The following UBXN4 variants were observed in gnomAD, a reference collection of about 807,000 sequenced individuals.
The protein encoded by UBXN4 is UBX domain-containing protein 4.
Under a neutral mutation model 66.2 loss-of-function variants are expected in UBXN4, and 35 were observed. That is an observed-to-expected ratio of 0.53 (90% CI 0.40 to 0.70). The LOEUF (loss-of-function observed/expected upper bound fraction) is 0.70. UBXN4 is among the 30% of genes least tolerant of loss of function. The probability of loss-of-function intolerance (pLI) is 0.00; values close to 1 mark genes in which losing one functional copy is unlikely to be tolerated. For missense variants in UBXN4, 533 were observed against 599.8 expected, an observed-to-expected ratio of 0.89 and a Z score of 1.16; for synonymous variants, 203 against 204.5, an observed-to-expected ratio of 0.99 and a Z score of 0.06.
intron 8 of UBXN4, among the ~76,000 whole-genome samples, chr2:135,771,655 C>T (rs142270262): frequency 1.1e-4 from 17 of 152,224 alleles, no homozygotes; most frequent in Admixed American, 3.3e-4. Flanking sequence ...TTCCACCTCC[C>T]GAGTTCAAGC....
At position 135,780,242 on chromosome 2, in the gene UBXN4, G is replaced by A. The variant is rs761614014; in HGVS notation, c.1245G>A (p.Leu415=). 8.1e-6 allele frequency: 13 copies of A among 1,613,950 alleles called. No individual in the cohort carries two copies. The East Asian group carries it at 2.7e-4, about 33-fold the overall frequency. Residue 415 remains leucine (L), a synonymous_variant, in exon 12 of 13, where the codon TTG becomes TTA. Coordinates refer to ENST00000272638, the MANE Select transcript of UBXN4 (RefSeq NM_014607.4). ...HSSSGDIWTL[L]GTVLYPFLAI... ...CCAGCGGAGACATTTGGACCTTGTT[G>A]GGAACAGTGCTTTATCCATTCCTTG...
At chr2:135,759,766 A>ATTTTTTTTTTTTTTT (rs10660396) in intron 5 of UBXN4, among the ~76,000 whole-genome samples, 1 of 93,444 alleles carries the variant, frequency 1.1e-5, no homozygotes, top group Non-Finnish European at 2.0e-5. Flanking sequence ...TCAATCCAGA[A>ATTTTTTTTTTTTTTT]TTTTTTTTTT....
intron 5 of UBXN4, among the ~76,000 whole-genome samples, chr2:135,758,191 C>T (rs1482895787): frequency 6.6e-6 from 1 of 152,046 alleles, no homozygotes; most frequent in Non-Finnish European, 1.5e-5. Flanking sequence ...TCTCCTGCCT[C>T]AGCCTGCTGA....
chr2:135,783,786 T>C lies in UBXN4; in HGVS notation c.*899T>C, dbSNP rs374405571. The C allele has an allele frequency of 6.6e-6, 1 of 152,220 alleles. No individual in the cohort carries two copies. Among genetic ancestry groups the C allele is most frequent in the Non-Finnish European group, 1.5e-5 (1 of 68,036 alleles). The allele number at this position is 152,220 out of a possible 1,614,324, so 9.4% of individuals were successfully genotyped here. ...TAGAGTACCTATAGGACAAAAAGTA[T>C]AGAATAAAAATATGCCTTTAGTCAT... On this transcript the variant is annotated 3_prime_UTR_variant, in exon 13 of 13. Transcript: ENST00000272638.
In UBXN4 at chr2:135,754,565, T is replaced by G. The variant is rs536241936; in HGVS notation, c.333+288T>G. On this transcript the variant is annotated intron_variant, in intron 4 of 12. Coordinates refer to ENST00000272638, the MANE Select transcript of UBXN4 (RefSeq NM_014607.4). ...CTCAAACTCCTGACCTCAGGTGATC[T>G]GCCCGCCTCGGCCTCCCAAAGTGCT... Among the ~76,000 whole-genome samples the G allele has an allele frequency of 1.1e-3, 170 of 152,026 alleles. 1 individual carries two copies. Among genetic ancestry groups the G allele is most frequent in the African/African-American group, 2.2e-3 (93 of 41,498 alleles).
In UBXN4 at chr2:135,754,227, G is replaced by T; in HGVS notation, c.283G>T (p.Gly95Ter). Residue 95 changes from glycine (G) to a stop codon, truncating the protein, a stop_gained, in exon 4 of 13, where the codon GGA becomes TGA. Coordinates refer to ENST00000272638, the MANE Select transcript of UBXN4 (RefSeq NM_014607.4). LOFTEE classifies it high-confidence loss of function. Reference sequence around the variant, plus strand: ...TGGAATTCCCTTGGAAGTAATAGCAGGAAGTGTTTCTGCAGATGAACTTGT... The same window carrying T: ...TGGAATTCCCTTGGAAGTAATAGCATGAAGTGTTTCTGCAGATGAACTTGT... ...DSGIPLEVIA[G>*]SVSADELVTR... 1 of 1,614,162 alleles carries T rather than the reference G, an allele frequency of 6.2e-7. No homozygotes were observed. The highest frequency in any genetic ancestry group is 8.5e-7 in the Non-Finnish European group (1 of 1,180,014).
chr2:135,782,866 A>G lies in UBXN4; in HGVS notation c.1506A>G (p.Gly502=). The change falls in exon 13 of 13, where the codon GGA becomes GGG. Residue 502 remains glycine, a synonymous_variant. Coordinates refer to ENST00000272638, the MANE Select transcript of UBXN4 (RefSeq NM_014607.4). ...DGEDENNTWN[G]NSTQQM ...AAGATGAAAACAACACTTGGAATGG[A>G]AATTCCACTCAACAGATGTAGTGTG... 1 of 1,613,604 alleles carries G rather than the reference A, an allele frequency of 6.2e-7. No homozygotes were observed. Among genetic ancestry groups the G allele is most frequent in the Non-Finnish European group, 8.5e-7 (1 of 1,179,758 alleles).
intron 5 of UBXN4, among the ~76,000 whole-genome samples, chr2:135,758,740 T>G (rs1485208635): frequency 1.3e-5 from 2 of 152,132 alleles, no homozygotes; most frequent in Non-Finnish European, 2.9e-5. Context: ...CTTTTAAGAT[T>G]ATATATAGTT....
At chr2:135,772,399 G>A in intron 8 of UBXN4, 21 bp from the exon 9 acceptor site, 1 of 1,611,386 alleles carries the variant, frequency 6.2e-7, no homozygotes, top group South Asian at 1.1e-5. Flanking sequence ...AAGGTAATTG[G>A]TATTTAATGA....
intron 2 of UBXN4, 37 bp from the exon 3 acceptor site, chr2:135,753,502 C>A (rs2077259549): frequency 4.7e-6 from 7 of 1,504,814 alleles, no homozygotes; most frequent in Non-Finnish European, 6.2e-6. Flanking sequence ...AAAATACTTG[C>A]ATTCATCTAG....
chr2:135,776,492 G>T lies in UBXN4; in HGVS notation c.1053+141G>T. 3 of 637,098 alleles carry T rather than the reference G, an allele frequency of 4.7e-6. No homozygotes were observed. The South Asian group carries it at 6.6e-5, about 14-fold the overall frequency. 39.5% of individuals were successfully genotyped at this position (637,098 alleles called of 1,614,324 possible). A position where few individuals can be genotyped will look rare whatever the true frequency, so the allele number is the denominator to read the frequency against. ...AGGCACAAGACGCCTCTGAGATATT[G>T]TGGAAATTCTGTCGGGTGTTAGTGC... On this transcript the variant is annotated intron_variant, in intron 10 of 12. Transcript: ENST00000272638.
intron 2 of UBXN4, among the ~76,000 whole-genome samples, chr2:135,752,381 CA>C (rs2077248347): frequency 6.6e-6 from 1 of 152,026 alleles, no homozygotes; most frequent in African/African-American, 2.4e-5. Context: ...AGGGTTTCGC[CA>C]TGTTGGCCAG....
chr2:135,778,485 T>C (rs1371059904), intron 10 of UBXN4, among the ~76,000 whole-genome samples: 1 of 152,134 alleles, frequency 6.6e-6, no homozygotes, highest in Non-Finnish European at 1.5e-5. Flanking sequence ...TTATGGACCA[T>C]TTATGCCTTG....
chr2:135,777,547 G>A (rs1289550918), intron 10 of UBXN4, among the ~76,000 whole-genome samples: 3 of 152,114 alleles, frequency 2.0e-5, no homozygotes, highest in Non-Finnish European at 2.9e-5. Context: ...TTTGCCACAG[G>A]TAAATGGAGA....
intron 1 of UBXN4, chr2:135,747,901 G>A (rs1358057073): frequency 6.5e-5 from 21 of 322,076 alleles, no homozygotes; most frequent in South Asian, 1.7e-4. Context: ...GATTATAGGC[G>A]TGAGCCACCG....
chr2:135,782,814 A>G lies in UBXN4; in HGVS notation c.1454A>G (p.Tyr485Cys), dbSNP rs769416298. Residue 485 changes from tyrosine to cysteine, a missense_variant, in exon 13 of 13, where the codon TAT (tyrosine) becomes TGT (cysteine). Tyr to Cys is a radical substitution (Grantham distance 194, BLOSUM62 -2). Around this residue, in one of 2 missense-constraint regions of UBXN4, gnomAD observed 529 missense variants for 580.1 expected, o/e 0.91. Transcript: ENST00000272638. ...GDDFKKEGKI[Y>C]RLRTQDDGED... ...GACTTTAAAAAGGAGGGGAAAATTT[A>G]TAGATTAAGGACTCAAGATGATGGT... 4 of 1,613,972 alleles carry G rather than the reference A, an allele frequency of 2.5e-6. No homozygotes were observed. The highest frequency in any genetic ancestry group is 1.1e-5 in the South Asian group (1 of 91,072).
chr2:135,750,645 A>G (rs921545435), intron 2 of UBXN4, among the ~76,000 whole-genome samples: 1 of 152,130 alleles, frequency 6.6e-6, no homozygotes, highest in Admixed American at 6.6e-5. Flanking sequence ...TGAACTATGT[A>G]TTTACTGAGT....
intron 10 of UBXN4, among the ~76,000 whole-genome samples, chr2:135,777,186 A>G (rs1220947927): frequency 2.0e-5 from 3 of 152,218 alleles, no homozygotes; most frequent in Non-Finnish European, 4.4e-5. Context: ...ATCTTGAGAT[A>G]TGAGTAGTTT....
At chr2:135,763,567 G>A (rs1012262638) in intron 6 of UBXN4, among the ~76,000 whole-genome samples, 5 of 152,238 alleles carry the variant, frequency 3.3e-5, no homozygotes, top group Non-Finnish European at 4.4e-5. Context: ...GCTCACGCCT[G>A]TAATCCCAGC....
Sources: gnomAD v4.1 joint callset for allele counts (sites outside exome capture counted in the v4.1 genomes callset) on GRCh38, gnomAD v4.1.1 for gene constraint, gnomAD v4.1.1 regional missense constraint, MANE v1.5 for transcripts, NCBI Gene and HGNC (gene_info 2026-07-23, HGNC 2026-07-21) for gene names.